PPM1E: variants seen among roughly 807,000 people sequenced by gnomAD.
PPM1E encodes the protein protein phosphatase, Mg2+/Mn2+ dependent 1E, also known as protein phosphatase 1E.
Under a neutral mutation model 65.9 loss-of-function variants are expected in PPM1E, and 20 were observed. That is an observed-to-expected ratio of 0.30 (90% CI 0.21 to 0.44). The LOEUF (loss-of-function observed/expected upper bound fraction) is 0.44. PPM1E is among the 20% of genes least tolerant of loss of function. PPM1E has a pLI of 1.00. For synonymous variants in PPM1E, 352 were observed against 374.9 expected (o/e 0.94, Z 0.70); for missense variants, 713 against 953.1 (o/e 0.75, Z 3.32).
At chr17:58,957,134 G>A (rs1344218360) in intron 2 of PPM1E, among the ~76,000 whole-genome samples, 1 of 152,200 alleles carries the variant, frequency 6.6e-6, no homozygotes, top group African/African-American at 2.4e-5. Context: ...CCAGGGTAAT[G>A]GCTGATTCAA....
At chr17:58,941,710 A>AT (rs2052069854) in intron 1 of PPM1E, among the ~76,000 whole-genome samples, 3 of 149,300 alleles carry the variant, frequency 2.0e-5, no homozygotes, top group Non-Finnish European at 4.4e-5. Flanking sequence ...AAAAAAAAAA[A>AT]ATGCTGGTCA....
rs139735585 is a variant in PPM1E, at chr17:58,895,177, G to A, written c.465-60472G>A. ...ACAAACTGCACCCATATAAGACAGC[G>A]AACTTAATAAATATTGTGTGTTCTG... On this transcript the variant is annotated intron_variant, in intron 1 of 6. Transcript: ENST00000308249. 4.0e-4 allele frequency among the ~76,000 whole-genome samples: 61 copies of A among 152,244 alleles called. 2 individuals carry two copies. The East Asian group carries it at 0.011, about 27-fold the overall frequency.
Position 58,810,214 on chromosome 17 carries a change from GT to G in PPM1E, c.464+53763del, listed in dbSNP as rs200443697. On this transcript the variant is annotated intron_variant, in intron 1 of 6. Transcript: ENST00000308249. The stretch of plus-strand genomic sequence containing the variant: ...CATATGTGGTGCTGTGTACTTTTTT[GT>G]TTTTTTTTTCTGAGACGGAGTCTCA... 4.0e-5 allele frequency among the ~76,000 whole-genome samples: 6 copies of G among 148,326 alleles called. 1 individual carries two copies. The South Asian group carries it at 8.5e-4, about 21-fold the overall frequency.
chr17:58,841,259 C>T (rs1028186629), intron 1 of PPM1E, among the ~76,000 whole-genome samples: 5 of 152,182 alleles, frequency 3.3e-5, no homozygotes, highest in African/African-American at 1.2e-4. Flanking sequence ...TAATTCTCCA[C>T]TCCTTAAGTG....
At chr17:58,960,998 C>T (rs767334975) in intron 2 of PPM1E, among the ~76,000 whole-genome samples, 11 of 151,940 alleles carry the variant, frequency 7.2e-5, no homozygotes, top group Non-Finnish European at 1.5e-4. Flanking sequence ...ATCCCAAACA[C>T]AATAGCAACA....
chr17:58,854,900 T>A (rs181705499), intron 1 of PPM1E, among the ~76,000 whole-genome samples: 20 of 152,234 alleles, frequency 1.3e-4, no homozygotes, highest in African/African-American at 4.3e-4. Context: ...CTCCCAAAAT[T>A]GGAGATACTG....
At position 58,764,933 on chromosome 17, in the gene PPM1E, T is replaced by C. The variant is rs763259254; in HGVS notation, c.464+8472T>C. On this transcript the variant is annotated intron_variant, in intron 1 of 6. Transcript: ENST00000308249. Reference sequence around the variant, plus strand: ...TTTCCAGGTTTGTATAGGCCTATTATCATCATCATCTTTCTCTTTATTATT... The same window carrying C: ...TTTCCAGGTTTGTATAGGCCTATTACCATCATCATCTTTCTCTTTATTATT... Among the ~76,000 whole-genome samples the C allele has an allele frequency of 1.4e-3, 207 of 151,944 alleles. 5 individuals carry two copies. Among genetic ancestry groups the C allele is most frequent in the Non-Finnish European group, 1.5e-3 (104 of 68,006 alleles).
chr17:58,954,014 G>A (rs959477079), intron 1 of PPM1E, among the ~76,000 whole-genome samples: 3 of 152,198 alleles, frequency 2.0e-5, no homozygotes, highest in South Asian at 2.1e-4. Context: ...AAAGTGTTGG[G>A]ATTGCAGGCA....
intron 1 of PPM1E, among the ~76,000 whole-genome samples, chr17:58,900,408 C>A (rs551910113): frequency 3.3e-5 from 5 of 152,186 alleles, no homozygotes; most frequent in Non-Finnish European, 7.3e-5. Flanking sequence ...GGAAGCAAGA[C>A]CTTCCACCAG....
chr17:58,857,738 G>T (rs192051266), intron 1 of PPM1E, among the ~76,000 whole-genome samples: 3 of 152,032 alleles, frequency 2.0e-5, no homozygotes, highest in Non-Finnish European at 4.4e-5. Context: ...CACAACAGAC[G>T]ATTTTAAAAA....
chr17:58,944,002 G>A (rs2052109468), intron 1 of PPM1E, among the ~76,000 whole-genome samples: 1 of 152,124 alleles, frequency 6.6e-6, no homozygotes, highest in African/African-American at 2.4e-5. Context: ...CATCTGTACT[G>A]ATTTTCTTCT....
chr17:58,968,871 G>A (rs535489341), intron 3 of PPM1E, among the ~76,000 whole-genome samples: 1 of 152,160 alleles, frequency 6.6e-6, no homozygotes, highest in Non-Finnish European at 1.5e-5. Context: ...CTTAGATCAT[G>A]GGGTGAGGCA....
chr17:58,965,760 TG>T lies in PPM1E; in HGVS notation c.651del (p.Asp219ThrfsTer42). 1 of 1,614,062 alleles carries T rather than the reference TG, an allele frequency of 6.2e-7. No homozygotes were observed. The highest frequency in any genetic ancestry group is 8.5e-7 in the Non-Finnish European group (1 of 1,180,000). On this transcript the variant is annotated frameshift_variant, in exon 3 of 7. Coordinates refer to ENST00000308249, the MANE Select transcript of PPM1E (RefSeq NM_014906.5). LOFTEE classifies it high-confidence loss of function. The part of the protein sequence containing the change: ...SKLHEICCSW[V>X]KDFPLRRRPQ... ...CTACACGAGATTTGCTGCAGCTGGG[TG>T]AAAGACTTCCCCCTCCGCAGGAGAC...
chr17:58,870,724 A>G (rs2051059968), intron 1 of PPM1E, among the ~76,000 whole-genome samples: 1 of 152,226 alleles, frequency 6.6e-6, no homozygotes. Context: ...ATTATGCATG[A>G]CTAATTTTCT....
chr17:58,769,979 A>G (rs2049920146), intron 1 of PPM1E, among the ~76,000 whole-genome samples: 1 of 152,086 alleles, frequency 6.6e-6, no homozygotes, highest in Non-Finnish European at 1.5e-5. Flanking sequence ...GTGAACTGAG[A>G]TTGTGCCACT....
chr17:58,847,755 C>T (rs1344738096), intron 1 of PPM1E, among the ~76,000 whole-genome samples: 1 of 152,144 alleles, frequency 6.6e-6, no homozygotes, highest in Non-Finnish European at 1.5e-5. Context: ...GCAATGCAGG[C>T]TCTTTTTTGA....
intron 1 of PPM1E, among the ~76,000 whole-genome samples, chr17:58,852,665 G>A (rs556267539): frequency 8.0e-5 from 12 of 149,808 alleles, no homozygotes; most frequent in South Asian, 4.2e-4. Flanking sequence ...GTGCAGTGGC[G>A]TGATCTCGGC....
intron 1 of PPM1E, among the ~76,000 whole-genome samples, chr17:58,759,193 C>T (rs2049798994): frequency 6.6e-6 from 1 of 152,070 alleles, no homozygotes; most frequent in South Asian, 2.1e-4. Context: ...TTCCTGAGCA[C>T]AGGAGGCCGA....
Position 58,886,309 on chromosome 17 carries a change from T to G in PPM1E, c.465-69340T>G, listed in dbSNP as rs111615275. ...ATATTATTGCATTTAACTATACTAT[T>G]TAATTATATAATGAGCTGGCATTCC... On this transcript the variant is annotated intron_variant, in intron 1 of 6. Coordinates refer to ENST00000308249, the MANE Select transcript of PPM1E (RefSeq NM_014906.5). 2.6e-5 allele frequency among the ~76,000 whole-genome samples: 4 copies of G among 152,314 alleles called. No homozygotes were observed. The South Asian group carries it at 8.3e-4, about 32-fold the overall frequency.
Sources: gnomAD v4.1 joint callset for allele counts (sites outside exome capture counted in the v4.1 genomes callset) on GRCh38, gnomAD v4.1.1 for gene constraint, MANE v1.5 for transcripts, NCBI Gene and HGNC (gene_info 2026-07-23, HGNC 2026-07-21) for gene names.